Variants in HUNK observed in about 807,000 individuals in gnomAD.
HUNK encodes hormonally up-regulated neu tumor-associated kinase.
A neutral mutation model predicts 61.0 loss-of-function variants in HUNK; 21 were observed. The observed-to-expected ratio is 0.34, with a 90% confidence interval of 0.24 to 0.50. HUNK has a LOEUF of 0.50. Ranked by LOEUF, HUNK falls within the 20% of genes least tolerant of loss-of-function variation. The probability of loss-of-function intolerance (pLI) is 0.98; values close to 1 mark genes in which losing one functional copy is unlikely to be tolerated. For missense variants in HUNK, 772 were observed against 945.7 expected (o/e 0.82, Z 2.41); for synonymous variants, 371 against 386.1 (o/e 0.96, Z 0.46).
chr21:31,892,180 T>TATAGAG (rs1457688299), intron 1 of HUNK, among the ~76,000 whole-genome samples: 7 of 109,714 alleles, frequency 6.4e-5, no homozygotes, highest in South Asian at 2.9e-4. Flanking sequence ...TATATATATA[T>TATAGAG]AGAGAGAGAG....
chr21:31,880,561 C>T (rs939105453), intron 1 of HUNK, among the ~76,000 whole-genome samples: 1 of 152,176 alleles, frequency 6.6e-6, no homozygotes, highest in Non-Finnish European at 1.5e-5. Context: ...CTGAGTGTCT[C>T]TTCTGTCTCT....
chr21:31,955,992 G>T (rs1397797666), intron 4 of HUNK, among the ~76,000 whole-genome samples: 1 of 152,218 alleles, frequency 6.6e-6, no homozygotes. Flanking sequence ...TTGCTATGTA[G>T]CATGGAAACA....
chr21:31,901,594 T>A (rs2052468390), intron 1 of HUNK, among the ~76,000 whole-genome samples: 1 of 152,142 alleles, frequency 6.6e-6, no homozygotes, highest in Non-Finnish European at 1.5e-5. Context: ...GCCAGTCACA[T>A]CTGTATTTAG....
chr21:31,873,543 C>T lies in HUNK; in HGVS notation c.-132C>T, dbSNP rs2052231094. The T allele has an allele frequency of 1.4e-6, 1 of 711,690 alleles. No homozygotes were observed. Among genetic ancestry groups the T allele is most frequent in the South Asian group, 6.2e-5 (1 of 16,162 alleles). 44.1% of individuals were successfully genotyped at this position (711,690 alleles called of 1,614,324 possible). On this transcript the variant is annotated 5_prime_UTR_variant, in exon 1 of 11. Transcript: ENST00000270112. This position sits in a 1 kb window ranked among gnomAD's most constrained non-coding sequence, Gnocchi z 6.1. ...GGCGTGATCGCGGCGGCCCCGGGCT[C>T]TGGGTGCGGAGACCCAGGCGGGGCT...
intron 2 of HUNK, among the ~76,000 whole-genome samples, chr21:31,929,269 G>T (rs540757431): frequency 1.8e-4 from 27 of 151,040 alleles, no homozygotes; most frequent in African/African-American, 6.1e-4. Flanking sequence ...TAATACAAAG[G>T]AAACTTAGCA....
chr21:31,952,196 G>C (rs1477011360), intron 4 of HUNK, among the ~76,000 whole-genome samples: 1 of 128,032 alleles, frequency 7.8e-6, no homozygotes, highest in Non-Finnish European at 1.8e-5. Context: ...TTGGTTCCTA[G>C]TCTACTTTCT....
intron 9 of HUNK, among the ~76,000 whole-genome samples, chr21:31,992,857 A>T (rs1339245067): frequency 1.3e-5 from 2 of 152,246 alleles, no homozygotes; most frequent in African/African-American, 4.8e-5. Context: ...GTAAATAAAC[A>T]TGCTTTCTCT....
intron 6 of HUNK, among the ~76,000 whole-genome samples, chr21:31,970,611 A>G (rs73354645): frequency 0.031 from 4,705 of 152,240 alleles, 242 homozygotes; most frequent in African/African-American, 0.11. Context: ...TGGTGGCCAC[A>G]TGAGTCATTA....
At chr21:31,970,839 A>T (rs920576278) in intron 6 of HUNK, among the ~76,000 whole-genome samples, 1 of 152,170 alleles carries the variant, frequency 6.6e-6, no homozygotes. Flanking sequence ...GGCAACTCCT[A>T]TCCTGTTGTT....
rs192636893 is a variant in HUNK, at chr21:31,886,920, G to A, written c.261+12985G>A. ...CCTCCCAAAGTGCTGGGTGGCATGA[G>A]CCACCGTGCCCGGCCAGAAAATATT... On this transcript the variant is annotated intron_variant, in intron 1 of 10. Transcript: ENST00000270112. 1.3e-4 allele frequency among the ~76,000 whole-genome samples: 20 copies of A among 152,304 alleles called. No homozygotes were observed. The East Asian group carries it at 3.9e-3, about 29-fold the overall frequency.
At chr21:31,876,073 C>T (rs994754186) in intron 1 of HUNK, among the ~76,000 whole-genome samples, 4 of 152,276 alleles carry the variant, frequency 2.6e-5, no homozygotes, top group African/African-American at 7.2e-5. Flanking sequence ...TCGCTGCTTC[C>T]CCAGGTGCCC....
chr21:32,002,261 T>G lies in HUNK; in HGVS notation c.*3077T>G, dbSNP rs1381451404. ...CACCACAATGCCTAGCTAATTTTTT[T>G]TGTATTTTGTAGAAATGGGGTTTCG... On this transcript the variant is annotated 3_prime_UTR_variant, in exon 11 of 11. Coordinates refer to ENST00000270112, the MANE Select transcript of HUNK (RefSeq NM_014586.2). 1 of 152,162 alleles carries G rather than the reference T, an allele frequency of 6.6e-6. No individual in the cohort carries two copies. The highest frequency in any genetic ancestry group is 2.4e-5 in the African/African-American group (1 of 41,414). 9.4% of individuals were successfully genotyped at this position (152,162 alleles called of 1,614,324 possible).
chr21:31,958,727 C>A, intron 4 of HUNK, 116 bp from the exon 5 acceptor site: 1 of 921,292 alleles, frequency 1.1e-6, no homozygotes, highest in Non-Finnish European at 1.6e-6. Flanking sequence ...TTGAAGAGGG[C>A]CTGTTGAGGT....
In HUNK at chr21:32,000,581, G is replaced by A; in HGVS notation, c.*1397G>A. On this transcript the variant is annotated 3_prime_UTR_variant, in exon 11 of 11. Transcript: ENST00000270112. ...TAGTGTAGGAGACCAGTTACAGAAT[G>A]GCCTGGAGTCTTCAACTTTTGACCG... 1 of 399,124 alleles carries A rather than the reference G, an allele frequency of 2.5e-6. No individual in the cohort carries two copies. The highest frequency in any genetic ancestry group is 4.4e-6 in the Non-Finnish European group (1 of 226,114). 24.7% of individuals were successfully genotyped at this position (399,124 alleles called of 1,614,324 possible).
chr21:31,930,552 C>A (rs2052689580), intron 2 of HUNK, among the ~76,000 whole-genome samples: 1 of 152,240 alleles, frequency 6.6e-6, no homozygotes, highest in Non-Finnish European at 1.5e-5. Context: ...CATAGACTCT[C>A]AGCACCCTCT....
At chr21:31,880,426 G>A (rs2052298028) in intron 1 of HUNK, among the ~76,000 whole-genome samples, 1 of 152,320 alleles carries the variant, frequency 6.6e-6, no homozygotes, top group African/African-American at 2.4e-5. Context: ...TCCCTCTGCA[G>A]CCACAGGGAG....
chr21:31,896,428 T>C (rs187771876), intron 1 of HUNK, among the ~76,000 whole-genome samples: 293 of 152,346 alleles, frequency 1.9e-3, no homozygotes, highest in South Asian at 3.7e-3. Context: ...CACTAAACTC[T>C]GTTCTGTAAC....
intron 10 of HUNK, among the ~76,000 whole-genome samples, chr21:31,996,576 A>G (rs767541366): frequency 8.5e-5 from 13 of 152,180 alleles, no homozygotes; most frequent in Non-Finnish European, 8.8e-5. Context: ...GGCAGACCTT[A>G]CTGGGCACAG....
In HUNK at chr21:31,990,174, C is replaced by T; in HGVS notation, c.1303C>T (p.Gln435Ter). The change falls in exon 9 of 11, where the codon CAG (glutamine) becomes TAG (stop). Residue 435 changes from glutamine to a stop codon, truncating the protein, a stop_gained and splice_region_variant. Transcript: ENST00000270112. LOFTEE classifies it high-confidence loss of function. The stretch of plus-strand genomic sequence containing the variant: ...ACGAGATCTTGAATTCCATGCCGTG[C>T]AGGTAAGAACTTGGGGGATTATTAT... ...WTRDLEFHAV[Q>*]DKKPKEQEKR... The T allele has an allele frequency of 6.2e-7, 1 of 1,613,270 alleles. No individual in the cohort carries two copies. The highest frequency in any genetic ancestry group is 8.5e-7 in the Non-Finnish European group (1 of 1,179,384).
Sources: allele counts gnomAD v4.1 joint callset (sites outside exome capture counted in the v4.1 genomes callset), GRCh38; gene constraint gnomAD v4.1.1; non-coding constraint Gnocchi (gnomAD v3.1); transcripts MANE v1.5; gene names NCBI Gene and HGNC (gene_info 2026-07-23, HGNC 2026-07-21).